The following WDFY2 variants were observed in gnomAD, a reference collection of about 807,000 sequenced individuals.
The protein encoded by WDFY2 is WD repeat and FYVE domain containing 2.
WDFY2 carries 36 observed loss-of-function variants against 56.4 expected under a neutral mutation model. The ratio of observed to expected loss-of-function variants is 0.64; its 90% CI spans 0.49 to 0.84. The LOEUF is 0.84. Among genes scored for constraint, WDFY2 ranks in the 40% least tolerant of loss-of-function variants. The pLI is 0.00. For missense variants in WDFY2, 444 were observed against 512.2 expected (o/e 0.87, Z 1.29); for synonymous variants, 176 against 183.7 (o/e 0.96, Z 0.34).
chr13:51,690,046 C>T (rs1364051868), intron 3 of WDFY2, among the ~76,000 whole-genome samples: 1 of 151,940 alleles, frequency 6.6e-6, no homozygotes, highest in Non-Finnish European at 1.5e-5. Flanking sequence ...AACAGTGCCA[C>T]TCTTTTCACT....
intron 2 of WDFY2, among the ~76,000 whole-genome samples, chr13:51,672,252 A>G (rs1955820757): frequency 6.6e-6 from 1 of 152,186 alleles, no homozygotes; most frequent in Non-Finnish European, 1.5e-5. Flanking sequence ...ATCCAGTTTC[A>G]TTCTTCTACA....
At chr13:51,653,432 C>T (rs887767457) in intron 1 of WDFY2, among the ~76,000 whole-genome samples, 3 of 152,198 alleles carry the variant, frequency 2.0e-5, no homozygotes, top group South Asian at 4.1e-4. Context: ...CAGCTTTATT[C>T]CATTGCTGGT....
intron 3 of WDFY2, among the ~76,000 whole-genome samples, chr13:51,683,270 A>C (rs1956008117): frequency 6.6e-6 from 1 of 152,262 alleles, no homozygotes; most frequent in Non-Finnish European, 1.5e-5. Context: ...ACCAATGTCC[A>C]GAGAGCCATC....
rs1352786587 is a variant in WDFY2 at position 51,751,543 on chromosome 13, AAGG to A, written c.831+131_831+133del. 1.1e-5 allele frequency: 10 copies of A among 931,786 alleles called. No individual in the cohort carries two copies. In the Admixed American group the frequency reaches 1.9e-4, roughly 17 times the overall value. The allele number at this position is 931,786 out of a possible 1,614,324, so 57.7% of individuals were successfully genotyped here. Reference sequence around the variant, plus strand: ...GTAACGTTAAAGAATTGTAGCATAAAAGGAGTTGTTTGGGTTGTTTTTTTTTTC... The same window carrying A: ...GTAACGTTAAAGAATTGTAGCATAAAAGTTGTTTGGGTTGTTTTTTTTTTC... On this transcript the variant is annotated intron_variant, in intron 8 of 11. Coordinates refer to ENST00000298125, the MANE Select transcript of WDFY2 (RefSeq NM_052950.4).
In WDFY2 at chr13:51,767,147, A is replaced by AAAAT. The variant is rs1307205681; in HGVS notation, c.*7380_*7383dup. ...TGTGAGGTTCATTTTATGGAGAAGA[A>AAAAT]AAATAGGTGCAAAGGCACCAAGTGA... is the stretch of plus-strand genomic sequence containing the variant. On this transcript the variant is annotated 3_prime_UTR_variant, in exon 12 of 12. Transcript: ENST00000298125. 6.6e-6 allele frequency: 1 copy of AAAAT among 152,288 alleles called. No homozygotes were observed. The highest frequency in any genetic ancestry group is 1.9e-4 in the East Asian group (1 of 5,202). The allele number at this position is 152,288 out of a possible 1,614,324, so 9.4% of individuals were successfully genotyped here.
intron 4 of WDFY2, among the ~76,000 whole-genome samples, chr13:51,716,799 A>C (rs1434193855): frequency 6.6e-6 from 1 of 151,774 alleles, no homozygotes; most frequent in African/African-American, 2.4e-5. Context: ...AAAAACTAGC[A>C]AATTGACCCC....
intron 1 of WDFY2, among the ~76,000 whole-genome samples, chr13:51,643,545 TG>T (rs1955214015): frequency 6.6e-6 from 1 of 152,118 alleles, no homozygotes; most frequent in African/African-American, 2.4e-5. Context: ...TCCTACAGGG[TG>T]GTATTGATGA....
At chr13:51,754,108 A>G (rs1290389600) in intron 8 of WDFY2, among the ~76,000 whole-genome samples, 1 of 151,860 alleles carries the variant, frequency 6.6e-6, no homozygotes, top group East Asian at 1.9e-4. Flanking sequence ...AAAAAAAAAA[A>G]AAGTTTACTT....
intron 1 of WDFY2, among the ~76,000 whole-genome samples, chr13:51,607,824 T>C (rs1301241492): frequency 2.0e-5 from 3 of 152,180 alleles, no homozygotes; most frequent in Non-Finnish European, 2.9e-5. Flanking sequence ...CCTGTGATTA[T>C]GTTACATGTA....
In WDFY2 at chr13:51,607,983, T is replaced by A. The variant is rs148113528; in HGVS notation, c.137+23159T>A. Reference sequence around the variant, plus strand: ...AGAGAGGACAAGGCAACGTGTAGATTGGAGTGATGTGGCCACAAGCTAAGG... The same window carrying A: ...AGAGAGGACAAGGCAACGTGTAGATAGGAGTGATGTGGCCACAAGCTAAGG... On this transcript the variant is annotated intron_variant, in intron 1 of 11. Transcript: ENST00000298125. 4.1e-4 allele frequency among the ~76,000 whole-genome samples: 62 copies of A among 149,894 alleles called. 1 individual carries two copies. Among genetic ancestry groups the A allele is most frequent in the Non-Finnish European group, 8.9e-4 (60 of 67,156 alleles).
chr13:51,727,184 T>C (rs930396047), intron 5 of WDFY2, among the ~76,000 whole-genome samples: 1 of 152,208 alleles, frequency 6.6e-6, no homozygotes, highest in Admixed American at 6.5e-5. Context: ...TCATCAGACA[T>C]TTACTAAATT....
At chr13:51,608,201 C>T (rs1739482725) in intron 1 of WDFY2, among the ~76,000 whole-genome samples, 1 of 152,154 alleles carries the variant, frequency 6.6e-6, no homozygotes, top group Non-Finnish European at 1.5e-5. Flanking sequence ...GTTACAGCAG[C>T]AAATGGAAAT....
At chr13:51,723,616 T>C (rs1295330937) in intron 5 of WDFY2, among the ~76,000 whole-genome samples, 1 of 152,220 alleles carries the variant, frequency 6.6e-6, no homozygotes, top group Non-Finnish European at 1.5e-5. Context: ...ATAATCTTGA[T>C]TTCATTCAGA....
chr13:51,652,006 T>A (rs1470237584), intron 1 of WDFY2, among the ~76,000 whole-genome samples: 1 of 152,240 alleles, frequency 6.6e-6, no homozygotes, highest in African/African-American at 2.4e-5. Flanking sequence ...GTGGTTGTTG[T>A]TCAAGTCTCC....
At chr13:51,677,176 T>C (rs1352495761) in intron 3 of WDFY2, among the ~76,000 whole-genome samples, 3 of 152,206 alleles carry the variant, frequency 2.0e-5, no homozygotes, top group African/African-American at 4.8e-5. Context: ...TCAGTCAGGG[T>C]CCATCTTTCC....
At chr13:51,745,973 C>CTTTT (rs59572351) in intron 7 of WDFY2, among the ~76,000 whole-genome samples, 69 of 100,694 alleles carry the variant, frequency 6.9e-4, no homozygotes, top group East Asian at 8.9e-4. Flanking sequence ...TTTTCTTTTT[C>CTTTT]TTTTTTTTTT....
chr13:51,690,196 AT>A (rs1555258210), intron 3 of WDFY2, among the ~76,000 whole-genome samples: 572 of 11,554 alleles, frequency 0.05, no homozygotes, highest in Non-Finnish European at 0.1. Context: ...ATATATATAT[AT>A]TTTTTTTATT....
chr13:51,741,152 T>C (rs1952965277), intron 7 of WDFY2, among the ~76,000 whole-genome samples: 1 of 152,128 alleles, frequency 6.6e-6, no homozygotes, highest in South Asian at 2.1e-4. Flanking sequence ...TTTTAGAAAA[T>C]GGAATAGACC....
At chr13:51,635,189 C>T (rs1218252924) in intron 1 of WDFY2, among the ~76,000 whole-genome samples, 2 of 152,110 alleles carry the variant, frequency 1.3e-5, no homozygotes, top group Non-Finnish European at 2.9e-5. Context: ...AGTGATCTGC[C>T]CATCTCGGCC....
Sources: gnomAD v4.1 joint callset for allele counts (sites outside exome capture counted in the v4.1 genomes callset) on GRCh38, gnomAD v4.1.1 for gene constraint, MANE v1.5 for transcripts, NCBI Gene and HGNC (gene_info 2026-07-23, HGNC 2026-07-21) for gene names.